PCDHA9: variants seen among roughly 807,000 people sequenced by gnomAD.
PCDHA9 encodes protocadherin alpha 9, also known as protocadherin alpha-9.
In PCDHA9, 62 loss-of-function variants were observed where a neutral mutation model predicts 62.0. That is an observed-to-expected ratio of 1.00 (90% CI 0.81 to 1.23). PCDHA9 has a LOEUF of 1.23. Among genes scored for constraint, PCDHA9 ranks in the 50% most tolerant of loss-of-function variants. The pLI is 0.00. For synonymous variants in PCDHA9, 557 were observed against 567.6 expected (o/e 0.98, Z 0.27); for missense variants, 1,205 against 1,249.8 (o/e 0.96, Z 0.54).
chr5:140,902,615 G>C (rs2153477614), intron 1 of PCDHA9, among the ~76,000 whole-genome samples: 1 of 152,128 alleles, frequency 6.6e-6, no homozygotes, highest in Admixed American at 6.6e-5. Context: ...AGTTACATGG[G>C]TAAGTTATTT....
At chr5:140,921,856 GTA>G (rs1295273364) in intron 1 of PCDHA9, among the ~76,000 whole-genome samples, 4 of 151,824 alleles carry the variant, frequency 2.6e-5, no homozygotes, top group Non-Finnish European at 5.9e-5. Flanking sequence ...AGATGTGTGT[GTA>G]TATATACAGT....
At chr5:140,929,294 G>A in intron 1 of PCDHA9, 1 of 1,594,058 alleles carries the variant, frequency 6.3e-7, no homozygotes, top group Non-Finnish European at 8.6e-7. Flanking sequence ...ATTCGGAATA[G>A]GAAAGGGGAT....
chr5:141,007,647 A>T (rs1554261419), intron 3 of PCDHA9, among the ~76,000 whole-genome samples: 1 of 152,174 alleles, frequency 6.6e-6, no homozygotes, highest in Admixed American at 6.5e-5. Context: ...GTATTTGCCT[A>T]AAAAACCATA....
intron 1 of PCDHA9, among the ~76,000 whole-genome samples, chr5:140,963,203 AAAAC>A (rs1457721166): frequency 6.6e-6 from 1 of 152,100 alleles, no homozygotes; most frequent in African/African-American, 2.4e-5. Context: ...AATGAAAAAA[AAAAC>A]CTCGTGTTTA....
chr5:140,957,717 A>G (rs2095377934), intron 1 of PCDHA9, among the ~76,000 whole-genome samples: 1 of 152,166 alleles, frequency 6.6e-6, no homozygotes, highest in African/African-American at 2.4e-5. Context: ...TTATTAAGAA[A>G]GAAGCAGAAT....
intron 1 of PCDHA9, chr5:140,968,814 G>A: frequency 1.5e-5 from 24 of 1,614,232 alleles, no homozygotes; most frequent in Non-Finnish European, 1.9e-5. Context: ...GTGGTGGATA[G>A]GGTTTCCAAA....
chr5:140,933,306 G>A (rs1159375359), intron 1 of PCDHA9, among the ~76,000 whole-genome samples: 1 of 151,920 alleles, frequency 6.6e-6, no homozygotes, highest in African/African-American at 2.4e-5. Context: ...AAATAAATAT[G>A]CAATCTCGTA....
chr5:140,995,787 T>C (rs2097697894), intron 3 of PCDHA9, among the ~76,000 whole-genome samples: 1 of 152,152 alleles, frequency 6.6e-6, no homozygotes, highest in Non-Finnish European at 1.5e-5. Context: ...AGGTTTAAAA[T>C]TTGTCTCATG....
chr5:141,000,782 C>T (rs149032263), intron 3 of PCDHA9, among the ~76,000 whole-genome samples: 174 of 152,002 alleles, frequency 1.1e-3, no homozygotes, highest in African/African-American at 3.9e-3. Flanking sequence ...TGGCGCACAC[C>T]TGTATTCCTA....
chr5:140,884,734 C>G, intron 1 of PCDHA9: 1 of 1,445,332 alleles, frequency 6.9e-7, no homozygotes. Flanking sequence ...TTTAAGACAT[C>G]TTTCCTGCCA....
At chr5:140,928,065 T>G in intron 1 of PCDHA9, 20 of 1,614,198 alleles carry the variant, frequency 1.2e-5, no homozygotes, top group Non-Finnish European at 1.6e-5. Context: ...CGGCTTCCTT[T>G]GACAACTACT....
At chr5:140,899,575 G>C (rs1347901369) in intron 1 of PCDHA9, among the ~76,000 whole-genome samples, 1 of 152,086 alleles carries the variant, frequency 6.6e-6, no homozygotes, top group African/African-American at 2.4e-5. Flanking sequence ...TGCTGGATTC[G>C]GTTTGCCAGT....
At chr5:140,869,746 A>G in intron 1 of PCDHA9, 1 of 1,613,340 alleles carries the variant, frequency 6.2e-7, no homozygotes, top group Non-Finnish European at 8.5e-7. Flanking sequence ...GCTAACAGCT[A>G]CAGACGGGGG....
At chr5:140,941,222 T>TCTTC (rs2092907237) in intron 1 of PCDHA9, among the ~76,000 whole-genome samples, 2 of 116,858 alleles carry the variant, frequency 1.7e-5, no homozygotes, top group Non-Finnish European at 3.8e-5. Flanking sequence ...TTCCTTTCTT[T>TCTTC]CTTTCTTTCT....
chr5:140,871,447 G>A, intron 1 of PCDHA9: 1 of 1,609,656 alleles, frequency 6.2e-7, no homozygotes, highest in Non-Finnish European at 8.5e-7. Context: ...TCTGAATAAA[G>A]AGGAGGAAGG....
In PCDHA9 at chr5:141,011,945, A is replaced by G. The variant is rs1588262929; in HGVS notation, c.*2008A>G. On this transcript the variant is annotated 3_prime_UTR_variant, in exon 4 of 4. Transcript: ENST00000532602. ...AGGTAGGAGTCTGTTATTTAAAAAAAGCATTAAATTTAAAAAAAAACTGTC... is the reference window on the plus strand; with the variant it reads ...AGGTAGGAGTCTGTTATTTAAAAAAGGCATTAAATTTAAAAAAAAACTGTC... 6.5e-6 allele frequency: 1 copy of G among 153,752 alleles called. No individual in the cohort carries two copies. The highest frequency in any genetic ancestry group is 1.5e-5 in the Non-Finnish European group (1 of 68,044). The allele number at this position is 153,752 out of a possible 1,614,324, so 9.5% of individuals were successfully genotyped here. A position where few individuals can be genotyped will look rare whatever the true frequency, so the allele number is the denominator to read the frequency against.
At chr5:140,929,104 A>G in intron 1 of PCDHA9, 1 of 1,614,240 alleles carries the variant, frequency 6.2e-7, no homozygotes. Flanking sequence ...TCCTTGCATG[A>G]CATCAGCCAC....
chr5:140,904,423 T>TTA (rs1304104435), intron 1 of PCDHA9, among the ~76,000 whole-genome samples: 1 of 151,090 alleles, frequency 6.6e-6, no homozygotes. Flanking sequence ...TACATATATT[T>TTA]TATATATATG....
At chr5:140,879,396 T>C (rs2057974571) in intron 1 of PCDHA9, among the ~76,000 whole-genome samples, 1 of 152,174 alleles carries the variant, frequency 6.6e-6, no homozygotes, top group Non-Finnish European at 1.5e-5. Context: ...AAACAGTTTG[T>C]GTGTATTTGA....
Sources: allele counts gnomAD v4.1 joint callset (sites outside exome capture counted in the v4.1 genomes callset), GRCh38; gene constraint gnomAD v4.1.1; transcripts MANE v1.5; gene names NCBI Gene and HGNC (gene_info 2026-07-23, HGNC 2026-07-21).